The following PLEKHA2 variants were observed in gnomAD, a reference collection of about 807,000 sequenced individuals.
PLEKHA2 encodes pleckstrin homology domain containing A2.
In PLEKHA2, 28 loss-of-function variants were observed where a neutral mutation model predicts 53.2. The observed-to-expected ratio is 0.53, with a 90% CI of 0.39 to 0.72. The LOEUF (loss-of-function observed/expected upper bound fraction) is 0.72. Ranked by LOEUF, PLEKHA2 falls within the 30% of genes least tolerant of loss-of-function variation. The pLI, the probability that PLEKHA2 is intolerant of heterozygous loss-of-function variation, is 0.00. For synonymous variants in PLEKHA2, 193 were observed against 196.4 expected (o/e 0.98, Z 0.14); for missense variants, 426 against 537.9 (o/e 0.79, Z 2.06).
chr8:38,949,943 C>A (rs1403736132), intron 5 of PLEKHA2, among the ~76,000 whole-genome samples: 1 of 152,134 alleles, frequency 6.6e-6, no homozygotes, highest in Admixed American at 6.5e-5. Flanking sequence ...TTCATGGACC[C>A]CTTGTTCTGT....
At chr8:38,909,394 TAAG>T (rs1181915958) in intron 1 of PLEKHA2, among the ~76,000 whole-genome samples, 1 of 152,156 alleles carries the variant, frequency 6.6e-6, no homozygotes, top group Admixed American at 6.5e-5. Context: ...CCTGGGTGTA[TAAG>T]AATCCTAGGA....
At chr8:38,933,959 G>A (rs1834444663) in intron 2 of PLEKHA2, among the ~76,000 whole-genome samples, 1 of 151,658 alleles carries the variant, frequency 6.6e-6, no homozygotes, top group African/African-American at 2.4e-5. Flanking sequence ...TCTTTTCTAG[G>A]TCCCCCACTC....
intron 2 of PLEKHA2, among the ~76,000 whole-genome samples, chr8:38,927,497 C>A (rs1356390507): frequency 1.3e-5 from 2 of 151,984 alleles, no homozygotes; most frequent in South Asian, 2.1e-4. Context: ...CAGAGCAAGA[C>A]CCTGTCTCAA....
At chr8:38,966,532 C>T (rs1479105035) in intron 10 of PLEKHA2, among the ~76,000 whole-genome samples, 1 of 152,182 alleles carries the variant, frequency 6.6e-6, no homozygotes, top group Non-Finnish European at 1.5e-5. Flanking sequence ...GGCCCTTAGC[C>T]AGCGTTTGCT....
chr8:38,931,875 G>C (rs985016157), intron 2 of PLEKHA2, among the ~76,000 whole-genome samples: 1 of 152,152 alleles, frequency 6.6e-6, no homozygotes, highest in Admixed American at 6.5e-5. Context: ...GGCCTGTTGA[G>C]GGATCGCGTG....
chr8:38,969,221 T>C (rs974022271), intron 11 of PLEKHA2, among the ~76,000 whole-genome samples, 200 bp from the exon 12 acceptor site: 2 of 152,142 alleles, frequency 1.3e-5, no homozygotes, highest in African/African-American at 4.8e-5. Context: ...ATTTCTGATA[T>C]GTCCTGCAAG....
intron 9 of PLEKHA2, 112 bp downstream of exon 9, chr8:38,953,479 G>A: frequency 9.0e-7 from 1 of 1,112,258 alleles, no homozygotes; most frequent in Non-Finnish European, 1.4e-6. Context: ...CCAAGAGCCA[G>A]GCACAGGAGC....
chr8:38,950,040 A>G (rs1481377128), intron 5 of PLEKHA2, among the ~76,000 whole-genome samples: 1 of 151,438 alleles, frequency 6.6e-6, no homozygotes, highest in Non-Finnish European at 1.5e-5. Flanking sequence ...CCTTTTATTT[A>G]GTTTTTTATT....
At chr8:38,945,535 C>T (rs185413004) in intron 4 of PLEKHA2, among the ~76,000 whole-genome samples, 12 of 152,218 alleles carry the variant, frequency 7.9e-5, no homozygotes, top group Middle Eastern at 3.4e-3. Context: ...ATGACTCTCA[C>T]GTTTTGTGGT....
In PLEKHA2 at chr8:38,927,635, A is replaced by G. The variant is rs373547341; in HGVS notation, c.142-8359A>G. 2.4e-4 allele frequency among the ~76,000 whole-genome samples: 37 copies of G among 152,286 alleles called. No homozygotes were observed. In the South Asian group the frequency reaches 5.8e-3, roughly 24 times the overall value. ...GAGACCAGTTTTATTAGTTATATCA[A>G]TTGAGCACAGGACAACATGATGAAT... On this transcript the variant is annotated intron_variant, in intron 2 of 11. Coordinates refer to ENST00000617275, the MANE Select transcript of PLEKHA2 (RefSeq NM_021623.2).
chr8:38,920,375 C>T (rs533903501), intron 2 of PLEKHA2, among the ~76,000 whole-genome samples: 11 of 152,038 alleles, frequency 7.2e-5, no homozygotes, highest in African/African-American at 2.4e-4. Context: ...AGGATGGTCT[C>T]AAGCTCCTGA....
At chr8:38,947,521 G>A (rs1834737243) in intron 5 of PLEKHA2, among the ~76,000 whole-genome samples, 1 of 152,174 alleles carries the variant, frequency 6.6e-6, no homozygotes. Flanking sequence ...TACTTAGGAG[G>A]CTGAGGCAGG....
intron 2 of PLEKHA2, among the ~76,000 whole-genome samples, chr8:38,935,126 G>C (rs768792536): frequency 3.3e-5 from 5 of 152,120 alleles, no homozygotes; most frequent in Non-Finnish European, 5.9e-5. Flanking sequence ...CGATTCTCCT[G>C]CCTCAGCTTC....
chr8:38,943,029 G>A (rs1834640059), intron 3 of PLEKHA2, among the ~76,000 whole-genome samples: 1 of 152,160 alleles, frequency 6.6e-6, no homozygotes, highest in Non-Finnish European at 1.5e-5. Context: ...ATCTCTCTGA[G>A]TGTTCTGATT....
chr8:38,967,775 C>T (rs1835168073), intron 10 of PLEKHA2, among the ~76,000 whole-genome samples: 2 of 151,870 alleles, frequency 1.3e-5, no homozygotes, highest in Admixed American at 6.6e-5. Context: ...AATTCTCCTG[C>T]CTCAGCCTCC....
At chr8:38,920,845 C>T (rs544283224) in intron 2 of PLEKHA2, among the ~76,000 whole-genome samples, 51 of 151,274 alleles carry the variant, frequency 3.4e-4, no homozygotes, top group African/African-American at 9.7e-4. Flanking sequence ...TTGTTGCCCA[C>T]GCTGGAGTGC....
At chr8:38,966,918 A>ATTACTT (rs1835148012) in intron 10 of PLEKHA2, among the ~76,000 whole-genome samples, 32 of 152,066 alleles carry the variant, frequency 2.1e-4, no homozygotes, top group Admixed American at 2.1e-3. Context: ...GTACGCATCA[A>ATTACTT]GTAATTTCTC....
At chr8:38,916,606 T>C (rs1360443682) in intron 1 of PLEKHA2, among the ~76,000 whole-genome samples, 1 of 152,200 alleles carries the variant, frequency 6.6e-6, no homozygotes, top group African/African-American at 2.4e-5. Context: ...GATCTTACTC[T>C]TTTTTTATGG....
At chr8:38,941,141 C>G (rs1051911199) in intron 3 of PLEKHA2, among the ~76,000 whole-genome samples, 22 of 151,876 alleles carry the variant, frequency 1.4e-4, no homozygotes, top group Non-Finnish European at 2.2e-4. Flanking sequence ...ACTGCAACCT[C>G]CATCTCCCGG....
Sources: allele counts gnomAD v4.1 joint callset (sites outside exome capture counted in the v4.1 genomes callset), GRCh38; gene constraint gnomAD v4.1.1; transcripts MANE v1.5; gene names NCBI Gene and HGNC (gene_info 2026-07-23, HGNC 2026-07-21).